The following LSM1 variants were observed in gnomAD, a reference collection of about 807,000 sequenced individuals.
LSM1 encodes U6 snRNA-associated Sm-like protein LSm1.
LSM1 carries 13 observed loss-of-function variants against 18.0 expected under a neutral mutation model. The observed-to-expected ratio is 0.72, with a 90% CI of 0.47 to 1.15. The LOEUF is 1.15. Ranked by LOEUF, LSM1 falls within the 50% of genes most tolerant of loss-of-function variation. LSM1 has a pLI of 0.00. For missense variants in LSM1, 152 were observed against 157.7 expected (o/e 0.96, Z 0.19); for synonymous variants, 46 against 56.0 (o/e 0.82, Z 0.80).
chr8:38,175,176 G>A (rs927919598), intron 1 of LSM1, among the ~76,000 whole-genome samples: 2 of 150,696 alleles, frequency 1.3e-5, no homozygotes, highest in African/African-American at 2.4e-5. Context: ...CTCCTCCCGG[G>A]TTCAAGCGAT....
chr8:38,172,254 G>C (rs776594683), intron 1 of LSM1, among the ~76,000 whole-genome samples: 2 of 151,794 alleles, frequency 1.3e-5, no homozygotes, highest in Non-Finnish European at 2.9e-5. Context: ...GAAAAGGACA[G>C]GGCGTGGCAC....
At chr8:38,176,225 G>T (rs766370792) in intron 1 of LSM1, 50 bp downstream of exon 1, 1 of 1,555,048 alleles carries the variant, frequency 6.4e-7, no homozygotes, top group Non-Finnish European at 8.9e-7. Flanking sequence ...CGCCCGCCCG[G>T]GAGGAAGGGT....
At chr8:38,171,255 G>A (rs949238156) in intron 2 of LSM1, among the ~76,000 whole-genome samples, 12 of 152,164 alleles carry the variant, frequency 7.9e-5, no homozygotes, top group African/African-American at 2.7e-4. Flanking sequence ...GCCTTGGGCC[G>A]GGCACAATGG....
At chr8:38,168,683 A>G (rs1802978219) in intron 3 of LSM1, among the ~76,000 whole-genome samples, 1 of 151,758 alleles carries the variant, frequency 6.6e-6, no homozygotes, top group South Asian at 2.1e-4. Flanking sequence ...CAAACTACAA[A>G]AATATTTTAT....
At chr8:38,176,705 C>T (rs1803156187), upstream of LSM1, 1 of 911,828 alleles carries the variant, frequency 1.1e-6, no homozygotes, top group Non-Finnish European at 1.5e-6. Flanking sequence ...ACCTCCGTCC[C>T]TCAGCTTTCG....
At position 38,163,741 on chromosome 8, in the gene LSM1, T is replaced by C. The variant is rs1409531133; in HGVS notation, c.331A>G (p.Lys111Glu). The change falls in exon 4 of 4, where the codon AAG becomes GAG. Residue 111 changes from lysine (K) to glutamate (E), a missense_variant. Coordinates refer to ENST00000311351, the MANE Select transcript of LSM1 (RefSeq NM_014462.3). ...VEQQTKLEAE[K>E]LKVQALKDRG... is the part of the protein sequence containing the mutation. Reference sequence around the variant, plus strand: ...TCCTTCAGGGCCTGCACTTTCAACTTCTCTGCTTCCAGCTTGGTCTGCTGT... The same window carrying C: ...TCCTTCAGGGCCTGCACTTTCAACTCCTCTGCTTCCAGCTTGGTCTGCTGT... 1.7e-5 allele frequency: 27 copies of C among 1,614,024 alleles called. No individual in the cohort carries two copies. Among genetic ancestry groups the C allele is most frequent in the Non-Finnish European group, 2.3e-5 (27 of 1,180,026 alleles).
chr8:38,167,817 G>A (rs911615977), intron 3 of LSM1, among the ~76,000 whole-genome samples: 1 of 152,118 alleles, frequency 6.6e-6, no homozygotes, highest in Non-Finnish European at 1.5e-5. Flanking sequence ...GGGAGGCTGA[G>A]ACAGGAGGAT....
Position 38,169,857 on chromosome 8 carries a change from A to C in LSM1, c.176T>G (p.Ile59Ser). The C allele has an allele frequency of 1.2e-6, 2 of 1,613,952 alleles. No individual in the cohort carries two copies. The highest frequency in any genetic ancestry group is 1.7e-6 in the Non-Finnish European group (2 of 1,179,900). ...RIHVGKKYGD[I>S]PRGIFVVRGE... is the part of the protein sequence containing the mutation. The stretch of plus-strand genomic sequence containing the variant: ...TCTGACCACAAAAATCCCTCGAGGA[A>C]TATCACCGTATTTTTTGCCCACATG... Residue 59 changes from isoleucine (I) to serine (S), a missense_variant, in exon 3 of 4, where the codon ATT becomes AGT. Ile to Ser is a moderately radical substitution (Grantham distance 142). Coordinates refer to ENST00000311351, the MANE Select transcript of LSM1 (RefSeq NM_014462.3).
Position 38,174,708 on chromosome 8 carries a change from A to G in LSM1, c.46+1567T>C, listed in dbSNP as rs566399308. Among the ~76,000 whole-genome samples, 14 of 152,258 alleles carry G rather than the reference A, an allele frequency of 9.2e-5. No individual in the cohort carries two copies. The East Asian group carries it at 2.5e-3, about 27-fold the overall frequency. On this transcript the variant is annotated intron_variant, in intron 1 of 3. Transcript: ENST00000311351. ...CACTACATTTCCCTTACATAGCACA[A>G]TAAGTAATTTGTGTTTAAAAAAATG...
chr8:38,167,929 C>T (rs541433654), intron 3 of LSM1, among the ~76,000 whole-genome samples: 9 of 151,654 alleles, frequency 5.9e-5, no homozygotes, highest in Admixed American at 5.9e-4. Context: ...CATGTAGTGT[C>T]TCCCCATGGG....
intron 3 of LSM1, among the ~76,000 whole-genome samples, chr8:38,167,185 C>T (rs1025432269): frequency 9.9e-5 from 15 of 152,172 alleles, no homozygotes; most frequent in African/African-American, 3.6e-4. Context: ...AACTTTTCCT[C>T]ACAAAAGGGA....
chr8:38,170,444 A>G (rs1803007076), intron 2 of LSM1, among the ~76,000 whole-genome samples: 1 of 152,220 alleles, frequency 6.6e-6, no homozygotes, highest in East Asian at 1.9e-4. Context: ...TTGGGCTAAT[A>G]CATGAATGAC....
In LSM1 at chr8:38,164,115, C is replaced by T. The variant is rs192728535; in HGVS notation, c.232-275G>A. Among the ~76,000 whole-genome samples, 7 of 152,218 alleles carry T rather than the reference C, an allele frequency of 4.6e-5. No individual in the cohort carries two copies. In the East Asian group the frequency reaches 9.6e-4, roughly 21 times the overall value. On this transcript the variant is annotated intron_variant, in intron 3 of 3. Transcript: ENST00000311351. Reference sequence around the variant, plus strand: ...TGTCACCCAGGCTGAAGTGCAGTGGCGCAATCTGAGCTCACTGCAACCTCT... The same window carrying T: ...TGTCACCCAGGCTGAAGTGCAGTGGTGCAATCTGAGCTCACTGCAACCTCT...
intron 1 of LSM1, chr8:38,175,812 C>G (rs1803124646): frequency 6.4e-6 from 1 of 155,602 alleles, no homozygotes. Flanking sequence ...CGTAGAGCGC[C>G]TACATTTACT....
intron 3 of LSM1, among the ~76,000 whole-genome samples, chr8:38,165,099 A>G (rs1009247942): frequency 1.2e-4 from 18 of 152,332 alleles, no homozygotes; most frequent in Admixed American, 2.6e-4. Flanking sequence ...TTGTAATCCC[A>G]GCACACTGGG....
upstream of LSM1, chr8:38,176,514 AC>A: frequency 1.7e-6 from 1 of 584,310 alleles, no homozygotes; most frequent in Non-Finnish European, 3.0e-6. Context: ...ACTTCCTGTA[AC>A]ACGTGTGGGC....
chr8:38,176,414 C>A lies in LSM1; in HGVS notation c.-94G>T. On this transcript the variant is annotated 5_prime_UTR_variant, in exon 1 of 4. Coordinates refer to ENST00000311351, the MANE Select transcript of LSM1 (RefSeq NM_014462.3). ...ACCGCAGTCGCCGCCTCGGTGGGAC[C>A]AAGCCCGGAATCCCGACCGAGACCA... 9.9e-7 allele frequency: 1 copy of A among 1,015,106 alleles called. No individual in the cohort carries two copies. The allele number at this position is 1,015,106 out of a possible 1,614,324, so 62.9% of individuals were successfully genotyped here. A position where few individuals can be genotyped will look rare whatever the true frequency, so the allele number is the denominator to read the frequency against.
chr8:38,167,475 TG>T (rs1213638561), intron 3 of LSM1, among the ~76,000 whole-genome samples: 7 of 152,148 alleles, frequency 4.6e-5, no homozygotes, highest in Non-Finnish European at 1.0e-4. Flanking sequence ...CCCAAGTAGC[TG>T]GGACTGGTGA....
chr8:38,173,758 A>G (rs1292058620), intron 1 of LSM1, among the ~76,000 whole-genome samples: 1 of 152,252 alleles, frequency 6.6e-6, no homozygotes, highest in Non-Finnish European at 1.5e-5. Context: ...ACACGCAGAT[A>G]GTTGGAAACA....
Sources: allele counts gnomAD v4.1 joint callset (sites outside exome capture counted in the v4.1 genomes callset), GRCh38; gene constraint gnomAD v4.1.1; transcripts MANE v1.5; gene names NCBI Gene and HGNC (gene_info 2026-07-23, HGNC 2026-07-21).